The following FMNL2 variants were observed in gnomAD, a reference collection of about 807,000 sequenced individuals.
FMNL2 encodes the protein formin-like protein 2.
FMNL2 carries 51 observed loss-of-function variants against 130.2 expected under a neutral mutation model. The observed-to-expected ratio is 0.39, with a 90% CI of 0.31 to 0.49. The LOEUF (loss-of-function observed/expected upper bound fraction) is 0.49. FMNL2 is among the 20% of genes least tolerant of loss of function. FMNL2 has a pLI of 0.85. For missense variants in FMNL2, 977 were observed against 1,316.2 expected (o/e 0.74, Z 3.99); for synonymous variants, 465 against 467.1 (o/e 1.00, Z 0.06).
intron 6 of FMNL2, among the ~76,000 whole-genome samples, chr2:152,567,131 G>T (rs1212534729): frequency 1.3e-5 from 2 of 152,218 alleles, no homozygotes; most frequent in African/African-American, 4.8e-5. Flanking sequence ...GGTCACAGGA[G>T]TGAGATGGTT....
At position 152,607,363 on chromosome 2, in the gene FMNL2, G is replaced by A; in HGVS notation, c.901G>A (p.Glu301Lys). The A allele has an allele frequency of 1.2e-6, 2 of 1,613,596 alleles. No individual in the cohort carries two copies. Among genetic ancestry groups the A allele is most frequent in the Non-Finnish European group, 1.7e-6 (2 of 1,179,716 alleles). The change falls in exon 10 of 26, where the codon GAG (glutamate) becomes AAG (lysine). Residue 301 changes from glutamate to lysine, a missense_variant. Transcript: ENST00000288670. The part of the protein sequence containing the change: ...KEVCGEKQRF[E>K]KLMEHFRNED... ...GGTTTGTGGAGAAAAACAGCGCTTTGAGAAGTTGATGGAACATTTCAGGAA... is the reference window on the plus strand; with the variant it reads ...GGTTTGTGGAGAAAAACAGCGCTTTAAGAAGTTGATGGAACATTTCAGGAA...
chr2:152,550,303 G>A (rs555321229), intron 4 of FMNL2, among the ~76,000 whole-genome samples: 41 of 152,352 alleles, frequency 2.7e-4, no homozygotes, highest in Admixed American at 2.4e-3. Context: ...ACTTGGGTAA[G>A]AATGTGCATT....
intron 9 of FMNL2, among the ~76,000 whole-genome samples, chr2:152,593,738 T>A (rs137866388): frequency 1.4e-3 from 215 of 152,196 alleles, no homozygotes; most frequent in African/African-American, 4.6e-3. Flanking sequence ...ACTTTTTTTT[T>A]AATTTATTTT....
chr2:152,495,955 G>T (rs73968038), intron 1 of FMNL2, among the ~76,000 whole-genome samples: 177 of 152,086 alleles, frequency 1.2e-3, no homozygotes, highest in African/African-American at 4.1e-3. Flanking sequence ...TCTTCTATCA[G>T]CCCATACCTT....
At chr2:152,622,551 C>T in intron 15 of FMNL2, 1 of 456,732 alleles carries the variant, frequency 2.2e-6, no homozygotes, top group Non-Finnish European at 4.4e-6. Flanking sequence ...GCCAATCAAG[C>T]TTTTCTGTAG....
At chr2:152,600,072 T>TCTGATAAAAGATGGTAAAAGATGGTAAA (rs1225698933) in intron 9 of FMNL2, among the ~76,000 whole-genome samples, 1 of 152,146 alleles carries the variant, frequency 6.6e-6, no homozygotes, top group East Asian at 1.9e-4. Flanking sequence ...GTGCACTCAG[T>TCTGATAAAAGATGGTAAAAGATGGTAAA]AGATGGTAAA....
chr2:152,526,715 C>G (rs1693407677), intron 2 of FMNL2, among the ~76,000 whole-genome samples: 1 of 151,952 alleles, frequency 6.6e-6, no homozygotes, highest in Non-Finnish European at 1.5e-5. Flanking sequence ...TCTTTTGACC[C>G]TTAGTTTTCT....
chr2:152,591,481 C>T lies in FMNL2; in HGVS notation c.876+10432C>T, dbSNP rs147483070. On this transcript the variant is annotated intron_variant, in intron 9 of 25. Coordinates refer to ENST00000288670, the MANE Select transcript of FMNL2 (RefSeq NM_052905.4). ...GCAAATATACTTTTTACAGTGACCC[C>T]GTTACAGGGTTAGGGGAGTTTGTTA... Among the ~76,000 whole-genome samples the T allele has an allele frequency of 1.2e-3, 180 of 152,300 alleles. 1 individual carries two copies. Among genetic ancestry groups the T allele is most frequent in the African/African-American group, 4.0e-3 (167 of 41,566 alleles).
chr2:152,573,122 C>A (rs779203416), intron 6 of FMNL2, among the ~76,000 whole-genome samples: 1 of 152,274 alleles, frequency 6.6e-6, no homozygotes, highest in South Asian at 2.1e-4. Flanking sequence ...CCTCACTTTC[C>A]TAATAAGTGT....
intron 1 of FMNL2, among the ~76,000 whole-genome samples, chr2:152,483,931 A>G (rs1212007460): frequency 2.0e-5 from 3 of 152,216 alleles, no homozygotes; most frequent in Non-Finnish European, 4.4e-5. Flanking sequence ...TGTCTAAGGA[A>G]TGCAGTTTGC....
intron 1 of FMNL2, among the ~76,000 whole-genome samples, chr2:152,351,759 C>G (rs1682501184): frequency 6.6e-6 from 1 of 152,078 alleles, no homozygotes; most frequent in African/African-American, 2.4e-5. Context: ...GGTTCTAGAT[C>G]CTGGAGGAAT....
chr2:152,429,261 A>AGCACGCAGTG (rs1321485668), intron 1 of FMNL2, among the ~76,000 whole-genome samples: 3 of 151,690 alleles, frequency 2.0e-5, no homozygotes, highest in Non-Finnish European at 2.9e-5. Context: ...AGCTGAAGAC[A>AGCACGCAGTG]GCACGCAGTG....
intron 1 of FMNL2, among the ~76,000 whole-genome samples, chr2:152,438,082 G>A (rs1032618436): frequency 1.3e-5 from 2 of 152,216 alleles, no homozygotes; most frequent in Non-Finnish European, 2.9e-5. Flanking sequence ...ATTCCAAAAT[G>A]ATGAGGCAGA....
intron 1 of FMNL2, among the ~76,000 whole-genome samples, chr2:152,420,900 A>G (rs1175032823): frequency 6.6e-6 from 1 of 152,192 alleles, no homozygotes. Flanking sequence ...AGGAAAGACT[A>G]GGAGTAGGAA....
chr2:152,587,514 A>G (rs2105754973), intron 9 of FMNL2, among the ~76,000 whole-genome samples: 1 of 152,244 alleles, frequency 6.6e-6, no homozygotes, highest in South Asian at 2.1e-4. Flanking sequence ...TTTGACTGAA[A>G]ACTTTATAAA....
At chr2:152,461,764 C>T (rs1689263028) in intron 1 of FMNL2, among the ~76,000 whole-genome samples, 1 of 152,082 alleles carries the variant, frequency 6.6e-6, no homozygotes, top group Non-Finnish European at 1.5e-5. Context: ...TTTTGTTCTT[C>T]TTTTGTATAG....
chr2:152,400,378 G>C (rs190590056), intron 1 of FMNL2, among the ~76,000 whole-genome samples: 1 of 152,260 alleles, frequency 6.6e-6, no homozygotes, highest in East Asian at 1.9e-4. Context: ...GGAGGTTGCA[G>C]TGAGCTGAGA....
chr2:152,425,215 A>C (rs950739775), intron 1 of FMNL2, among the ~76,000 whole-genome samples: 2 of 152,214 alleles, frequency 1.3e-5, no homozygotes, highest in African/African-American at 2.4e-5. Context: ...CTGAAAATCC[A>C]ATATGGGCCT....
intron 1 of FMNL2, among the ~76,000 whole-genome samples, chr2:152,494,127 G>T (rs1471458919): frequency 6.6e-6 from 1 of 152,196 alleles, no homozygotes; most frequent in Non-Finnish European, 1.5e-5. Context: ...GCAGAGTGGG[G>T]CAGTTCCTCT....
Sources: gnomAD v4.1 joint callset for allele counts (sites outside exome capture counted in the v4.1 genomes callset) on GRCh38, gnomAD v4.1.1 for gene constraint, MANE v1.5 for transcripts, NCBI Gene and HGNC (gene_info 2026-07-23, HGNC 2026-07-21) for gene names.